The following EML6 variants were observed in gnomAD, a reference collection of about 807,000 sequenced individuals.
EML6 encodes the protein EMAP like 6.
A neutral mutation model predicts 240.1 loss-of-function variants in EML6; 154 were observed. That is an observed-to-expected ratio of 0.64 (90% CI 0.56 to 0.73). The LOEUF is 0.73. Among genes scored for constraint, EML6 ranks in the 30% least tolerant of loss-of-function variants. EML6 has a pLI of 0.00. For missense variants in EML6, 2,964 were observed against 2,474.6 expected (o/e 1.20, Z -4.20); for synonymous variants, 1,148 against 899.0 (o/e 1.28, Z -4.95).
At chr2:54,957,664 G>C (rs1052293481) in intron 32 of EML6, 126 bp from the exon 33 acceptor site, 2 of 790,144 alleles carry the variant, frequency 2.5e-6, no homozygotes, top group African/African-American at 1.7e-5. Context: ...GAAGGGGAGA[G>C]AGTGCTGTAA....
At chr2:54,909,798 T>G (rs1011081316) in intron 24 of EML6, among the ~76,000 whole-genome samples, 1 of 136,282 alleles carries the variant, frequency 7.3e-6, no homozygotes, top group South Asian at 2.3e-4. Flanking sequence ...GAGCCAAGAT[T>G]ACACCACTGC....
chr2:54,963,157 T>C (rs1379659870), intron 36 of EML6, among the ~76,000 whole-genome samples: 2 of 152,156 alleles, frequency 1.3e-5, no homozygotes, highest in South Asian at 2.1e-4. Context: ...CAAAGAGTTC[T>C]TGCCGATCCT....
intron 22 of EML6, among the ~76,000 whole-genome samples, chr2:54,901,329 G>A (rs1211336146): frequency 1.3e-5 from 2 of 152,184 alleles, no homozygotes; most frequent in Non-Finnish European, 2.9e-5. Flanking sequence ...CCTGGGGATT[G>A]GTAAATGGTG....
intron 7 of EML6, among the ~76,000 whole-genome samples, chr2:54,839,663 A>G (rs966489057): frequency 7.2e-5 from 11 of 152,126 alleles, no homozygotes; most frequent in African/African-American, 1.7e-4. Context: ...GAAATCGGAG[A>G]TGGTGAGGTG....
At chr2:54,867,738 G>A (rs1436043986) in intron 14 of EML6, 2 of 152,094 alleles carry the variant, frequency 1.3e-5, no homozygotes, top group African/African-American at 4.8e-5. Context: ...TAACAGTGAG[G>A]CCCTGTCCCA....
At chr2:54,825,021 A>G (rs914150249) in intron 5 of EML6, among the ~76,000 whole-genome samples, 2 of 152,196 alleles carry the variant, frequency 1.3e-5, no homozygotes, top group African/African-American at 4.8e-5. Flanking sequence ...ACTCTTTGGA[A>G]TGTTTTCATG....
In EML6 at chr2:54,928,538, C is replaced by T. The variant is rs563865894; in HGVS notation, c.3877+24C>T. Reference sequence around the variant, plus strand: ...AGGTGAGCCCCCCACCTGCCACATGCCTCCTGCGCCGAATGCACCTCCCAA... The same window carrying T: ...AGGTGAGCCCCCCACCTGCCACATGTCTCCTGCGCCGAATGCACCTCCCAA... On this transcript the variant is annotated intron_variant, in intron 27 of 41. Coordinates refer to ENST00000356458, the MANE Select transcript of EML6 (RefSeq NM_001039753.4). The T allele has an allele frequency of 1.5e-5, 23 of 1,545,184 alleles. No homozygotes were observed. In the South Asian group the frequency reaches 2.5e-4, roughly 17 times the overall value.
chr2:54,786,985 T>C (rs1407316789), intron 2 of EML6, among the ~76,000 whole-genome samples: 2 of 152,202 alleles, frequency 1.3e-5, no homozygotes, highest in South Asian at 2.1e-4. Context: ...CCTCTGATTA[T>C]GGATCTGGGA....
intron 28 of EML6, among the ~76,000 whole-genome samples, chr2:54,932,341 G>A (rs1318866827): frequency 6.6e-6 from 1 of 152,192 alleles, no homozygotes; most frequent in African/African-American, 2.4e-5. Context: ...TGTGGCTGAG[G>A]AAAGTCATGA....
Position 54,948,927 on chromosome 2 carries a change from G to C in EML6, c.4050G>C (p.Lys1350Asn), listed in dbSNP as rs1253253920. The C allele has an allele frequency of 6.4e-7, 1 of 1,551,348 alleles. No homozygotes were observed. The highest frequency in any genetic ancestry group is 8.7e-7 in the Non-Finnish European group (1 of 1,146,944). ...CTCCCCAGCCTGAGAAACTGCAGAAGAACAATATCACCAAAAAAAAGAAAC... is the reference window on the plus strand; with the variant it reads ...CTCCCCAGCCTGAGAAACTGCAGAACAACAATATCACCAAAAAAAAGAAAC... ...RAAPQPEKLQ[K>N]NNITKKKKLV... The change falls in exon 29 of 42, where the codon AAG becomes AAC. Residue 1350 changes from lysine to asparagine, a missense_variant. Coordinates refer to ENST00000356458, the MANE Select transcript of EML6 (RefSeq NM_001039753.4).
At chr2:54,790,969 C>T (rs1669415026) in intron 2 of EML6, among the ~76,000 whole-genome samples, 1 of 152,092 alleles carries the variant, frequency 6.6e-6, no homozygotes, top group Non-Finnish European at 1.5e-5. Context: ...TCGTGATCCG[C>T]CCGCCTCGGC....
intron 3 of EML6, among the ~76,000 whole-genome samples, chr2:54,814,363 C>G (rs1021799537): frequency 5.9e-5 from 9 of 151,434 alleles, no homozygotes; most frequent in African/African-American, 1.7e-4. Flanking sequence ...AACATTTTCT[C>G]TTCTTCCTTT....
intron 2 of EML6, among the ~76,000 whole-genome samples, chr2:54,791,666 C>T (rs182456722): frequency 6.6e-6 from 1 of 152,122 alleles, no homozygotes; most frequent in Admixed American, 6.5e-5. Flanking sequence ...TGGGTAAACA[C>T]TATAACTGTG....
intron 16 of EML6, among the ~76,000 whole-genome samples, chr2:54,874,407 T>C (rs1328320724): frequency 6.6e-6 from 1 of 152,220 alleles, no homozygotes; most frequent in African/African-American, 2.4e-5. Flanking sequence ...GGCACATAAA[T>C]TCCCAAATAT....
At chr2:54,946,138 T>C (rs1044440881) in intron 28 of EML6, among the ~76,000 whole-genome samples, 2 of 152,230 alleles carry the variant, frequency 1.3e-5, no homozygotes, top group Admixed American at 6.5e-5. Flanking sequence ...TTTGCTGTCT[T>C]GCCAGGCTCC....
At position 54,970,237 on chromosome 2, in the gene EML6, A is replaced by AACTTCTGC; in HGVS notation, c.*143_*144insCTTCTGCA. The AACTTCTGC allele has an allele frequency of 1.3e-6, 1 of 786,582 alleles. No homozygotes were observed. The highest frequency in any genetic ancestry group is 2.2e-6 in the Non-Finnish European group (1 of 464,772). The allele number at this position is 786,582 out of a possible 1,614,324, so 48.7% of individuals were successfully genotyped here. ...GATGCACAAGCTCAAAACGCTGCAGAAGTTACACAACTGCTCCCATAATCT... is the reference window on the plus strand; with the variant it reads ...GATGCACAAGCTCAAAACGCTGCAGAACTTCTGCAGTTACACAACTGCTCCCATAATCT... On this transcript the variant is annotated 3_prime_UTR_variant, in exon 42 of 42. Coordinates refer to ENST00000356458, the MANE Select transcript of EML6 (RefSeq NM_001039753.4).
rs1573239268 is a variant in EML6 at position 54,971,628 on chromosome 2, A to G, written c.*1533A>G. 6.6e-6 allele frequency: 1 copy of G among 152,200 alleles called. No homozygotes were observed. The highest frequency in any genetic ancestry group is 2.4e-5 in the African/African-American group (1 of 41,450). The allele number at this position is 152,200 out of a possible 1,614,324, so 9.4% of individuals were successfully genotyped here. A position where few individuals can be genotyped will look rare whatever the true frequency, so the allele number is the denominator to read the frequency against. On this transcript the variant is annotated 3_prime_UTR_variant, in exon 42 of 42. Coordinates refer to ENST00000356458, the MANE Select transcript of EML6 (RefSeq NM_001039753.4). ...TACTAATGCCTTACATCAATCCACT[A>G]ATAGGTTGTTGGGCCCGCAGTAGAG...
chr2:54,819,955 CTGT>C (rs1368614721), intron 4 of EML6, among the ~76,000 whole-genome samples: 2 of 152,090 alleles, frequency 1.3e-5, no homozygotes, highest in Non-Finnish European at 2.9e-5. Context: ...TTACTAGAGA[CTGT>C]TGGCCGCATT....
chr2:54,743,492 A>C (rs908715815), intron 2 of EML6, among the ~76,000 whole-genome samples: 11 of 152,236 alleles, frequency 7.2e-5, no homozygotes, highest in African/African-American at 2.7e-4. Flanking sequence ...AATCCTGAAG[A>C]GAATTCAGAG....
Sources: allele counts gnomAD v4.1 joint callset (sites outside exome capture counted in the v4.1 genomes callset), GRCh38; gene constraint gnomAD v4.1.1; transcripts MANE v1.5; gene names NCBI Gene and HGNC (gene_info 2026-07-23, HGNC 2026-07-21).